Variants in MYO5C observed in about 807,000 individuals in gnomAD.
The protein encoded by MYO5C is myosin VC.
MYO5C carries 194 observed loss-of-function variants against 235.7 expected under a neutral mutation model. The observed-to-expected ratio is 0.82, with a 90% CI of 0.73 to 0.93. The LOEUF (loss-of-function observed/expected upper bound fraction) is 0.93, where lower values mean the gene tolerates loss of function less well. Ranked by LOEUF, MYO5C falls within the 40% of genes least tolerant of loss-of-function variation. MYO5C has a pLI of 0.00. For synonymous variants in MYO5C, 707 were observed against 754.8 expected (o/e 0.94, Z 1.04); for missense variants, 2,038 against 2,127.2 (o/e 0.96, Z 0.82).
intron 36 of MYO5C, among the ~76,000 whole-genome samples, chr15:52,206,270 T>G (rs887477409): frequency 2.0e-5 from 3 of 152,134 alleles, no homozygotes; most frequent in African/African-American, 7.2e-5. Flanking sequence ...GAAACAAAAC[T>G]GCAGAGCATT....
rs917802777 is a variant in MYO5C, at chr15:52,253,449, G to A, written c.1404C>T (p.Phe468=). The A allele has an allele frequency of 1.2e-6, 2 of 1,611,972 alleles. No individual in the cohort carries two copies. Among genetic ancestry groups the A allele is most frequent in the African/African-American group, 2.7e-5 (2 of 74,824 alleles). Residue 468 remains phenylalanine, a synonymous_variant, in exon 12 of 41, where the codon TTC becomes TTT. Transcript: ENST00000261839. ...KLQQQFNMHV[F]KLEQEEYMKE... ...TCATGTATTCTTCTTGTTCCAGTTT[G>A]AAGACATGCTGGGAATCCAAAGTTA...
chr15:52,295,781 T>G lies in MYO5C; in HGVS notation c.-145A>C. 3 of 510,650 alleles carry G rather than the reference T, an allele frequency of 5.9e-6. No individual in the cohort carries two copies. The highest frequency in any genetic ancestry group is 4.4e-5 in the Admixed American group (1 of 22,754). The allele number at this position is 510,650 out of a possible 1,614,324, so 31.6% of individuals were successfully genotyped here. ...TGCCCAAAGTTTTCCAACGGCCTCC[T>G]GTTCCCGTTCCCGAGTTGGCGGCGA... On this transcript the variant is annotated 5_prime_UTR_variant, in exon 1 of 41. Transcript: ENST00000261839.
intron 38 of MYO5C, among the ~76,000 whole-genome samples, chr15:52,200,132 G>A (rs1345590492): frequency 1.3e-5 from 2 of 152,050 alleles, no homozygotes; most frequent in African/African-American, 2.4e-5. Flanking sequence ...CATATGAAAC[G>A]GACCCAAAGA....
At chr15:52,268,281 C>T (rs2036852879) in intron 8 of MYO5C, among the ~76,000 whole-genome samples, 1 of 152,098 alleles carries the variant, frequency 6.6e-6, no homozygotes, top group Non-Finnish European at 1.5e-5. Flanking sequence ...GTAGAAATGG[C>T]TGGCCGGGCG....
intron 29 of MYO5C, among the ~76,000 whole-genome samples, chr15:52,221,952 C>T (rs373149243): frequency 1.2e-4 from 19 of 152,304 alleles, no homozygotes; most frequent in South Asian, 4.1e-4. Flanking sequence ...AGAAACCATA[C>T]TTCAAGTACC....
At chr15:52,218,377 T>A (rs2035600972) in intron 32 of MYO5C, 142 bp downstream of exon 32, 1 of 866,242 alleles carries the variant, frequency 1.2e-6, no homozygotes, top group South Asian at 1.8e-5. Context: ...ACCACCTGTC[T>A]TTTGGGATAA....
intron 21 of MYO5C, among the ~76,000 whole-genome samples, chr15:52,238,455 C>G (rs1360316151): frequency 6.6e-6 from 1 of 152,164 alleles, no homozygotes; most frequent in Non-Finnish European, 1.5e-5. Flanking sequence ...TATTTCTTCA[C>G]CCACTCACCC....
chr15:52,208,762 C>A, intron 35 of MYO5C, 119 bp from the exon 36 acceptor site: 2 of 706,226 alleles, frequency 2.8e-6, no homozygotes, highest in South Asian at 1.8e-5. Flanking sequence ...TTCACTAAAG[C>A]CTTTATCCAA....
chr15:52,294,139 A>AT (rs1452527170), intron 1 of MYO5C, among the ~76,000 whole-genome samples: 1 of 152,270 alleles, frequency 6.6e-6, no homozygotes, highest in African/African-American at 2.4e-5. Context: ...TTTAATAAAT[A>AT]TCTGAGGTTT....
At chr15:52,227,488 T>C (rs1206022176) in intron 25 of MYO5C, among the ~76,000 whole-genome samples, 1 of 151,934 alleles carries the variant, frequency 6.6e-6, no homozygotes, top group East Asian at 1.9e-4. Flanking sequence ...TGAGCCACCG[T>C]GCCCAGCCCC....
intron 11 of MYO5C, among the ~76,000 whole-genome samples, chr15:52,253,999 T>A (rs1326096719): frequency 6.5e-5 from 1 of 15,384 alleles, no homozygotes; most frequent in African/African-American, 2.8e-4. Context: ...TGGGGTAGGG[T>A]GGGGTGGGGT....
chr15:52,241,667 A>T (rs1461312146), intron 20 of MYO5C, among the ~76,000 whole-genome samples: 3 of 152,128 alleles, frequency 2.0e-5, no homozygotes. Context: ...CTTAAAATGT[A>T]CTTTCCTTTG....
chr15:52,206,961 C>T lies in MYO5C; in HGVS notation c.4387-995G>A, dbSNP rs143657795. ...CAGCCTGGCCAACATGGTGAAACCC[C>T]ATCTCTATTAAAAATACAAAAATTA... is the stretch of plus-strand genomic sequence containing the variant. On this transcript the variant is annotated intron_variant, in intron 36 of 40. Transcript: ENST00000261839. Among the ~76,000 whole-genome samples, 763 of 152,136 alleles carry T rather than the reference C, an allele frequency of 5.0e-3. 4 individuals carry two copies. Among genetic ancestry groups the T allele is most frequent in the African/African-American group, 0.018 (729 of 41,506 alleles).
At chr15:52,271,882 T>C (rs750224906) in intron 6 of MYO5C, 38 bp from the exon 7 acceptor site, 6 of 1,403,480 alleles carry the variant, frequency 4.3e-6, no homozygotes, top group Non-Finnish European at 5.9e-6. Context: ...TTACACCAAA[T>C]CCTTACAAGC....
In MYO5C at chr15:52,245,386, C is replaced by A. The variant is rs1442874739; in HGVS notation, c.2146G>T (p.Val716Leu). The A allele has an allele frequency of 5.0e-6, 8 of 1,614,164 alleles. No homozygotes were observed. Among genetic ancestry groups the A allele is most frequent in the Non-Finnish European group, 6.8e-6 (8 of 1,179,998 alleles). Residue 716 changes from valine (V) to leucine (L), a missense_variant, in exon 18 of 41, where the codon GTG (valine) becomes TTG (leucine). Val to Leu is a conservative substitution (Grantham distance 32). Transcript: ENST00000261839. ...AGTCTGTGTAAAACCACCTTGCACA[C>A]CTCCTTTTTATCGCTGAAGGAAAGC... ...QELSFSDKKE[V>L]CKVVLHRLIQ...
rs776275485 is a variant in MYO5C, at chr15:52,279,602, C to G, written c.211G>C (p.Asp71His). 6.2e-7 allele frequency: 1 copy of G among 1,614,066 alleles called. No individual in the cohort carries two copies. Among genetic ancestry groups the G allele is most frequent in the South Asian group, 1.1e-5 (1 of 91,056 alleles). Residue 71 changes from aspartate (D) to histidine (H), a missense_variant, in exon 3 of 41, where the codon GAC (aspartate) becomes CAC (histidine). Physicochemically the swap from Asp to His is moderately conservative, Grantham distance 81. Transcript: ENST00000261839. ...TGAAGATAGCTGAGAGCCGTGAGGTCATTCTCGCCCACGAGGATGTCAGGA... is the reference window on the plus strand; with the variant it reads ...TGAAGATAGCTGAGAGCCGTGAGGTGATTCTCGCCCACGAGGATGTCAGGA... ...RNPDILVGEN[D>H]LTALSYLHEP...
At chr15:52,277,542 T>C (rs1437242274) in intron 4 of MYO5C, among the ~76,000 whole-genome samples, 1 of 152,266 alleles carries the variant, frequency 6.6e-6, no homozygotes, top group Admixed American at 6.5e-5. Flanking sequence ...CTCTGTGCAT[T>C]TGAAAGACTG....
intron 4 of MYO5C, among the ~76,000 whole-genome samples, chr15:52,276,507 C>T (rs79129232): frequency 4.6e-5 from 7 of 152,082 alleles, no homozygotes; most frequent in African/African-American, 7.2e-5. Flanking sequence ...AAGGAAAGCA[C>T]GTATTCAGCA....
At position 52,229,135 on chromosome 15, in the gene MYO5C, T is replaced by C. The variant is rs757741974; in HGVS notation, c.3205A>G (p.Lys1069Glu). 10 of 1,614,138 alleles carry C rather than the reference T, an allele frequency of 6.2e-6. No homozygotes were observed. The highest frequency in any genetic ancestry group is 2.2e-5 in the East Asian group (1 of 44,888). The change falls in exon 25 of 41, where the codon AAG becomes GAG. Residue 1069 changes from lysine (K) to glutamate (E), a missense_variant and splice_region_variant. Physicochemically the swap from Lys to Glu is moderately conservative, Grantham distance 56. Transcript: ENST00000261839. ...GCTGAACGTGAGAGCCGCTCTACCT[T>C]GACCTGCTTGCTCAGGCGGGCCACT... ...AEVARLSKQV[K>E]TISEFEKEIE...
Sources: allele counts gnomAD v4.1 joint callset (sites outside exome capture counted in the v4.1 genomes callset), GRCh38; gene constraint gnomAD v4.1.1; transcripts MANE v1.5; gene names NCBI Gene and HGNC (gene_info 2026-07-23, HGNC 2026-07-21).